MTMR12: variants seen among roughly 807,000 people sequenced by gnomAD.
MTMR12 encodes myotubularin-related protein 12.
Under a neutral mutation model 96.7 loss-of-function variants are expected in MTMR12, and 33 were observed. The observed-to-expected ratio is 0.34, with a 90% CI of 0.26 to 0.46. MTMR12 has a LOEUF of 0.46. Among genes scored for constraint, MTMR12 ranks in the 20% least tolerant of loss-of-function variants. The pLI is 1.00. For synonymous variants in MTMR12, 298 were observed against 327.2 expected (o/e 0.91, Z 0.96); for missense variants, 721 against 896.1 (o/e 0.80, Z 2.49).
At position 32,228,569 on chromosome 5, in the gene MTMR12, C is replaced by CACATATATGTGATATATATGTGAT. The variant is rs1554053386; in HGVS notation, c.*1208_*1209insATCACATATATATCACATATATGT. ...TCATATATATGTGATATATATATAT[C>CACATATATGTGATATATATGTGAT]ATATATATATCATATATATGTGATA... On this transcript the variant is annotated 3_prime_UTR_variant, in exon 16 of 16. Transcript: ENST00000382142. 65 of 112,516 alleles carry CACATATATGTGATATATATGTGAT rather than the reference C, an allele frequency of 5.8e-4. 1 individual carries two copies. The highest frequency in any genetic ancestry group is 2.5e-3 in the African/African-American group (63 of 25,078). 7.0% of individuals were successfully genotyped at this position (112,516 alleles called of 1,614,324 possible). A position where few individuals can be genotyped will look rare whatever the true frequency, so the allele number is the denominator to read the frequency against.
chr5:32,274,656 G>C (rs533067521), intron 2 of MTMR12, among the ~76,000 whole-genome samples: 1 of 152,280 alleles, frequency 6.6e-6, no homozygotes, highest in East Asian at 1.9e-4. Flanking sequence ...AGATCCAGGA[G>C]GTGTTGCCGC....
At chr5:32,294,408 GTC>G (rs1357214318) in intron 1 of MTMR12, among the ~76,000 whole-genome samples, 2 of 151,828 alleles carry the variant, frequency 1.3e-5, no homozygotes, top group African/African-American at 4.8e-5. Context: ...GTTCAAAAGA[GTC>G]TCATTCCTCA....
intron 1 of MTMR12, among the ~76,000 whole-genome samples, chr5:32,298,623 G>A (rs895336636): frequency 3.3e-5 from 5 of 152,096 alleles, no homozygotes; most frequent in African/African-American, 9.7e-5. Context: ...CAGCATGCCT[G>A]GCTCCAGACA....
chr5:32,296,918 T>C (rs1328340185), intron 1 of MTMR12, among the ~76,000 whole-genome samples: 3 of 151,610 alleles, frequency 2.0e-5, no homozygotes, highest in East Asian at 3.9e-4. Flanking sequence ...CTGGCTAACA[T>C]GGTGAAACCC....
Position 32,312,849 on chromosome 5 carries a change from TG to T in MTMR12, c.-12del. ...TCCTTTCCCCAGCATACCGCCGCCC[TG>T]GGAAGCAGCGACGCGCGGACGCAGA... is the stretch of plus-strand genomic sequence containing the variant. On this transcript the variant is annotated 5_prime_UTR_variant, in exon 1 of 16. Coordinates refer to ENST00000382142, the MANE Select transcript of MTMR12 (RefSeq NM_001040446.3). The surrounding 1 kb of genome is among the most constrained non-coding windows in gnomAD (Gnocchi z 5.0). The T allele has an allele frequency of 6.6e-7, 1 of 1,520,388 alleles. No individual in the cohort carries two copies. The allele number at this position is 1,520,388 out of a possible 1,614,324, so 94.2% of individuals were successfully genotyped here.
intron 8 of MTMR12, among the ~76,000 whole-genome samples, chr5:32,253,981 A>G (rs900411404): frequency 1.6e-4 from 25 of 152,248 alleles, no homozygotes; most frequent in Admixed American, 1.6e-3. Flanking sequence ...TCTTATCAGA[A>G]TATTTGCTAC....
At position 32,229,867 on chromosome 5, in the gene MTMR12, C is replaced by A; in HGVS notation, c.2155G>T (p.Val719Phe). 1.2e-6 allele frequency: 2 copies of A among 1,608,690 alleles called. No individual in the cohort carries two copies. The highest frequency in any genetic ancestry group is 2.2e-5 in the South Asian group (2 of 90,340). The change falls in exon 16 of 16, where the codon GTC (valine) becomes TTC (phenylalanine). Residue 719 changes from valine to phenylalanine, a missense_variant. Val to Phe is a conservative substitution (Grantham distance 50). Transcript: ENST00000382142. ...ALLQRHSSKP[V>F]LPTSGWKALG... ...GCTTTCCAGCCACTGGTGGGTAAGA[C>A]GGGCTTAGAGGAATGTCGCTGGAGC...
At chr5:32,286,378 T>G (rs1750539911) in intron 1 of MTMR12, among the ~76,000 whole-genome samples, 1 of 151,996 alleles carries the variant, frequency 6.6e-6, no homozygotes, top group Non-Finnish European at 1.5e-5. Context: ...GAATTGACTT[T>G]TATTAGCCAG....
chr5:32,267,903 G>C (rs1338760359), intron 6 of MTMR12, among the ~76,000 whole-genome samples: 1 of 151,818 alleles, frequency 6.6e-6, no homozygotes, highest in Non-Finnish European at 1.5e-5. Flanking sequence ...GTGCGATCTC[G>C]GCTCACTGCA....
intron 11 of MTMR12, among the ~76,000 whole-genome samples, chr5:32,242,864 C>G (rs1581594744): frequency 6.6e-6 from 1 of 152,032 alleles, no homozygotes. Flanking sequence ...GGCCAAGGCT[C>G]CTTTCCGCAG....
intron 1 of MTMR12, among the ~76,000 whole-genome samples, chr5:32,303,426 C>T (rs984899448): frequency 2.0e-5 from 3 of 152,162 alleles, no homozygotes; most frequent in Non-Finnish European, 2.9e-5. Flanking sequence ...CCCAGAATCC[C>T]TCTCTATTTC....
At chr5:32,253,474 A>T (rs1749022881) in intron 8 of MTMR12, among the ~76,000 whole-genome samples, 1 of 152,186 alleles carries the variant, frequency 6.6e-6, no homozygotes, top group Non-Finnish European at 1.5e-5. Flanking sequence ...AGAGAGAGAG[A>T]GATTGAGGGC....
intron 1 of MTMR12, among the ~76,000 whole-genome samples, chr5:32,283,985 G>A (rs980758171): frequency 6.6e-6 from 1 of 152,090 alleles, no homozygotes; most frequent in Non-Finnish European, 1.5e-5. Flanking sequence ...GTATGCCTGA[G>A]CAATTCTTGC....
At chr5:32,293,009 T>C (rs1008781750) in intron 1 of MTMR12, among the ~76,000 whole-genome samples, 1 of 152,264 alleles carries the variant, frequency 6.6e-6, no homozygotes, top group Non-Finnish European at 1.5e-5. Context: ...TATTGTTAAC[T>C]TTATGTAATG....
chr5:32,279,816 TTGCATG>T (rs1035892684), intron 1 of MTMR12, among the ~76,000 whole-genome samples: 1 of 152,224 alleles, frequency 6.6e-6, no homozygotes, highest in Non-Finnish European at 1.5e-5. Context: ...CCTGGATCTC[TTGCATG>T]TGCAGTTCAC....
chr5:32,235,636 AAGG>A (rs1748197877), intron 13 of MTMR12, among the ~76,000 whole-genome samples: 1 of 152,218 alleles, frequency 6.6e-6, no homozygotes, highest in Non-Finnish European at 1.5e-5. Context: ...ACCAACGTGG[AAGG>A]AGAAGCCTCC....
At chr5:32,276,569 TTA>T in intron 2 of MTMR12, 111 bp downstream of exon 2, 2 of 864,762 alleles carry the variant, frequency 2.3e-6, no homozygotes, top group East Asian at 2.6e-5. Flanking sequence ...TTCATTACTG[TTA>T]TATGTGAGAA....
intron 6 of MTMR12, among the ~76,000 whole-genome samples, chr5:32,264,856 G>A (rs1393193509): frequency 6.6e-6 from 1 of 152,010 alleles, no homozygotes; most frequent in African/African-American, 2.4e-5. Context: ...AGCACAGAAA[G>A]GTCAAGTAAC....
In MTMR12 at chr5:32,227,374, C is replaced by T. The variant is rs1445314029; in HGVS notation, c.*2404G>A. 6.6e-6 allele frequency: 1 copy of T among 152,550 alleles called. No individual in the cohort carries two copies. Among genetic ancestry groups the T allele is most frequent in the Non-Finnish European group, 1.5e-5 (1 of 68,022 alleles). The allele number at this position is 152,550 out of a possible 1,614,324, so 9.4% of individuals were successfully genotyped here. A position where few individuals can be genotyped will look rare whatever the true frequency, so the allele number is the denominator to read the frequency against. On this transcript the variant is annotated 3_prime_UTR_variant, in exon 16 of 16. Coordinates refer to ENST00000382142, the MANE Select transcript of MTMR12 (RefSeq NM_001040446.3). ...ATAAATCCATTGAGAATTCTGTACA[C>T]AAATACGAGTTATAGAAATCTGATT...
Sources: allele counts gnomAD v4.1 joint callset (sites outside exome capture counted in the v4.1 genomes callset), GRCh38; gene constraint gnomAD v4.1.1; non-coding constraint Gnocchi (gnomAD v3.1); transcripts MANE v1.5; gene names NCBI Gene and HGNC (gene_info 2026-07-23, HGNC 2026-07-21).